The following KLF12 variants were observed in gnomAD, a reference collection of about 807,000 sequenced individuals.
KLF12 encodes KLF transcription factor 12.
In KLF12, 9 loss-of-function variants were observed where a neutral mutation model predicts 37.8. The observed-to-expected ratio is 0.24, with a 90% CI of 0.14 to 0.42. The LOEUF (loss-of-function observed/expected upper bound fraction) is 0.42. KLF12 is among the 10% of genes least tolerant of loss of function. The pLI is 1.00. For synonymous variants in KLF12, 208 were observed against 202.1 expected (o/e 1.03, Z -0.25); for missense variants, 411 against 516.0 (o/e 0.80, Z 1.97).
intron 1 of KLF12, among the ~76,000 whole-genome samples, chr13:74,115,362 T>C (rs942689245): frequency 6.6e-6 from 1 of 152,130 alleles, no homozygotes; most frequent in African/African-American, 2.4e-5. Flanking sequence ...CTCTCACAGT[T>C]GTAGAGAAGG....
chr13:73,838,381 T>G (rs1884554368), intron 4 of KLF12, among the ~76,000 whole-genome samples: 1 of 152,140 alleles, frequency 6.6e-6, no homozygotes, highest in African/African-American at 2.4e-5. Flanking sequence ...TTTGGAGGAT[T>G]CTTCACCGTG....
At chr13:73,859,001 T>C (rs1225433641) in intron 3 of KLF12, among the ~76,000 whole-genome samples, 1 of 152,214 alleles carries the variant, frequency 6.6e-6, no homozygotes, top group Non-Finnish European at 1.5e-5. Context: ...TACAACATTA[T>C]CTGGCAGATG....
At chr13:73,808,967 A>T (rs1238277893) in intron 5 of KLF12, among the ~76,000 whole-genome samples, 1 of 152,074 alleles carries the variant, frequency 6.6e-6, no homozygotes, top group African/African-American at 2.4e-5. Context: ...CCCTTCCCTG[A>T]CACTCTACTG....
chr13:73,720,866 T>C (rs1876189055), intron 6 of KLF12, among the ~76,000 whole-genome samples: 1 of 152,076 alleles, frequency 6.6e-6, no homozygotes, highest in Non-Finnish European at 1.5e-5. Flanking sequence ...TCACTGAAAC[T>C]GGAGTTTTTA....
chr13:73,965,834 C>T (rs1891156936), intron 2 of KLF12, among the ~76,000 whole-genome samples: 1 of 152,134 alleles, frequency 6.6e-6, no homozygotes, highest in South Asian at 2.1e-4. Flanking sequence ...TACGAAATGA[C>T]AATTTTATAC....
At chr13:74,295,310 C>T in the KLF12 span, among the ~76,000 whole-genome samples, 1 of 152,274 alleles carries the variant, frequency 6.6e-6, no homozygotes, top group African/African-American at 2.4e-5. Context: ...TGCCTCCACT[C>T]CCTATAAACC....
chr13:73,869,680 T>C (rs181202836), intron 3 of KLF12, among the ~76,000 whole-genome samples: 2 of 152,094 alleles, frequency 1.3e-5, no homozygotes, highest in East Asian at 3.9e-4. Context: ...TATAACATAG[T>C]TCCTGGTAAC....
intron 2 of KLF12, among the ~76,000 whole-genome samples, chr13:73,968,539 G>A (rs942589277): frequency 3.3e-5 from 5 of 151,918 alleles, no homozygotes; most frequent in South Asian, 4.2e-4. Context: ...TGTATCTTTC[G>A]TCGTCATCTA....
intron 6 of KLF12, among the ~76,000 whole-genome samples, chr13:73,730,054 T>C (rs1876949981): frequency 1.3e-5 from 2 of 152,106 alleles, no homozygotes; most frequent in South Asian, 4.1e-4. Context: ...AGCACCTTCT[T>C]CAAGAGCACC....
intron 5 of KLF12, among the ~76,000 whole-genome samples, chr13:73,789,048 C>T (rs1047764664): frequency 6.6e-6 from 1 of 152,196 alleles, no homozygotes; most frequent in African/African-American, 2.4e-5. Context: ...AATAAAACTA[C>T]TGAGAATGAC....
At chr13:74,251,071 T>A in the KLF12 span, among the ~76,000 whole-genome samples, 1 of 152,110 alleles carries the variant, frequency 6.6e-6, no homozygotes, top group Non-Finnish European at 1.5e-5. Context: ...TAGTTCTGAG[T>A]CTGGTGTCTG....
the KLF12 span, among the ~76,000 whole-genome samples, chr13:74,276,221 A>G: frequency 6.6e-6 from 1 of 151,916 alleles, no homozygotes; most frequent in Non-Finnish European, 1.5e-5. Context: ...AAGTAAGAAC[A>G]TGTGGTGTTT....
At chr13:73,983,922 G>C (rs191336542) in intron 2 of KLF12, among the ~76,000 whole-genome samples, 1 of 152,328 alleles carries the variant, frequency 6.6e-6, no homozygotes, top group Admixed American at 6.5e-5. Flanking sequence ...AATCCAGGCA[G>C]GTGGTATTCT....
intron 2 of KLF12, among the ~76,000 whole-genome samples, chr13:73,990,926 C>T (rs544021418): frequency 6.6e-6 from 1 of 151,894 alleles, no homozygotes; most frequent in East Asian, 1.9e-4. Context: ...TAATGTTCAC[C>T]GAATATGAAC....
intron 7 of KLF12, among the ~76,000 whole-genome samples, chr13:73,701,912 T>C (rs574786328): frequency 6.6e-6 from 1 of 152,204 alleles, no homozygotes; most frequent in East Asian, 1.9e-4. Flanking sequence ...TGGACTAAAC[T>C]AGGAAAACTT....
chr13:74,024,645 T>C (rs1326849419), intron 1 of KLF12, among the ~76,000 whole-genome samples: 2 of 152,166 alleles, frequency 1.3e-5, no homozygotes, highest in African/African-American at 4.8e-5. Context: ...GCTTCAAGTA[T>C]CCTATAAAAT....
intron 6 of KLF12, among the ~76,000 whole-genome samples, chr13:73,761,483 T>C (rs1879543113): frequency 6.6e-6 from 1 of 152,158 alleles, no homozygotes. Context: ...ACAACACATC[T>C]CATTATCCCT....
the KLF12 span, among the ~76,000 whole-genome samples, chr13:74,167,947 A>G: frequency 1.3e-5 from 2 of 152,226 alleles, no homozygotes; most frequent in African/African-American, 4.8e-5. Context: ...AAGTGGAAGA[A>G]TGTTTAGACA....
intron 1 of KLF12, among the ~76,000 whole-genome samples, chr13:74,126,426 G>T (rs759506181): frequency 6.6e-6 from 1 of 152,032 alleles, no homozygotes; most frequent in Non-Finnish European, 1.5e-5. Flanking sequence ...GTCATTAAAA[G>T]TATTTGTATT....
Sources: gnomAD v4.1 joint callset for allele counts (sites outside exome capture counted in the v4.1 genomes callset) on GRCh38, gnomAD v4.1.1 for gene constraint, MANE v1.5 for transcripts, NCBI Gene and HGNC (gene_info 2026-07-23, HGNC 2026-07-21) for gene names.